The following CACNG2 variants were observed in gnomAD, a reference collection of about 807,000 sequenced individuals.
CACNG2 encodes voltage-dependent calcium channel gamma-2 subunit.
CACNG2 carries 3 observed loss-of-function variants against 25.9 expected under a neutral mutation model. The observed-to-expected ratio is 0.12, with a 90% CI of 0.05 to 0.30. CACNG2 has a LOEUF of 0.30. Ranked by LOEUF, CACNG2 falls within the 10% of genes least tolerant of loss-of-function variation. The pLI, the probability that CACNG2 is intolerant of heterozygous loss-of-function variation, is 1.00. For synonymous variants in CACNG2, 167 were observed against 173.3 expected, an observed-to-expected ratio of 0.96 and a Z score of 0.29; for missense variants, 341 against 432.5, an observed-to-expected ratio of 0.79 and a Z score of 1.88.
intron 1 of CACNG2, among the ~76,000 whole-genome samples, chr22:36,661,966 CTTTTTTTTTTTTTTT>C (rs71193254): frequency 0.23 from 10,102 of 44,836 alleles, 1,501 homozygotes; most frequent in African/African-American, 0.41. Flanking sequence ...CATTGCTATT[CTTTTTTTTTTTTTTT>C]TTTTTTTTTT....
intron 1 of CACNG2, among the ~76,000 whole-genome samples, chr22:36,685,737 G>A (rs971483225): frequency 3.3e-5 from 5 of 152,360 alleles, no homozygotes; most frequent in Non-Finnish European, 5.9e-5. Flanking sequence ...GGGGAGAGCC[G>A]CCTACCCTAG....
chr22:36,687,162 C>A (rs943911177), intron 1 of CACNG2, among the ~76,000 whole-genome samples: 6 of 152,176 alleles, frequency 3.9e-5, no homozygotes, highest in Admixed American at 3.3e-4. Context: ...GAAGGACCCA[C>A]TGTGGGGATG....
intron 1 of CACNG2, among the ~76,000 whole-genome samples, chr22:36,634,308 T>A (rs1349800091): frequency 7.9e-5 from 12 of 152,200 alleles, no homozygotes; most frequent in African/African-American, 2.9e-4. Flanking sequence ...AGCCTACCCA[T>A]TACAGCCTCT....
chr22:36,576,494 C>T (rs1322932418), intron 2 of CACNG2, among the ~76,000 whole-genome samples: 1 of 151,016 alleles, frequency 6.6e-6, no homozygotes, highest in Admixed American at 6.6e-5. Flanking sequence ...ACTCATGTAA[C>T]CAAACACCAC....
chr22:36,645,156 G>A (rs552852649), intron 1 of CACNG2, among the ~76,000 whole-genome samples: 2 of 152,262 alleles, frequency 1.3e-5, no homozygotes, highest in East Asian at 3.9e-4. Context: ...AGTCAGTGTT[G>A]GGGGTTGTTC....
intron 1 of CACNG2, among the ~76,000 whole-genome samples, chr22:36,644,013 G>T (rs919955944): frequency 3.3e-5 from 5 of 152,160 alleles, no homozygotes; most frequent in Middle Eastern, 3.4e-3. Flanking sequence ...CCTCTGTTAT[G>T]GGCAAACTGA....
intron 1 of CACNG2, among the ~76,000 whole-genome samples, chr22:36,596,515 G>A (rs1381570303): frequency 6.6e-6 from 1 of 152,032 alleles, no homozygotes; most frequent in Non-Finnish European, 1.5e-5. Flanking sequence ...GAAGAGCTAG[G>A]GGTCAAGAAG....
At chr22:36,658,769 G>A (rs1474660985) in intron 1 of CACNG2, among the ~76,000 whole-genome samples, 7 of 152,212 alleles carry the variant, frequency 4.6e-5, no homozygotes, top group Non-Finnish European at 8.8e-5. Context: ...TAATCACAGA[G>A]GGCAATAGTG....
chr22:36,666,401 C>G (rs34300680), intron 1 of CACNG2, among the ~76,000 whole-genome samples: 34,292 of 150,820 alleles, frequency 0.23, 4,122 homozygotes, highest in Middle Eastern at 0.32. Context: ...GAGTGAAACC[C>G]AGTCTCAAAA....
At chr22:36,612,809 G>C (rs1475900904) in intron 1 of CACNG2, among the ~76,000 whole-genome samples, 2 of 152,216 alleles carry the variant, frequency 1.3e-5, no homozygotes, top group East Asian at 3.8e-4. Flanking sequence ...ATGAATGAGA[G>C]AACCCAGACC....
At chr22:36,597,795 T>C (rs1282414496) in intron 1 of CACNG2, among the ~76,000 whole-genome samples, 2 of 152,192 alleles carry the variant, frequency 1.3e-5, no homozygotes, top group East Asian at 3.9e-4. Context: ...TCTGTATTTC[T>C]CATGAGCTTG....
Position 36,588,340 on chromosome 22 carries a change from A to T in CACNG2, c.212-792T>A, listed in dbSNP as rs738467. Among the ~76,000 whole-genome samples the T allele has an allele frequency of 2.7e-3, 409 of 152,234 alleles. 1 individual carries two copies. The highest frequency in any genetic ancestry group is 4.1e-3 in the Non-Finnish European group (279 of 68,008). ...CTCGGTGCCTGCTGGGAAGGTGAGA[A>T]CTGGCCTGGGGCAAATCCCAGCACA... is the stretch of plus-strand genomic sequence containing the variant. On this transcript the variant is annotated intron_variant, in intron 1 of 3. Transcript: ENST00000300105.
intron 1 of CACNG2, among the ~76,000 whole-genome samples, chr22:36,680,330 C>A (rs1304763644): frequency 1.3e-5 from 2 of 151,144 alleles, no homozygotes; most frequent in Non-Finnish European, 2.9e-5. Flanking sequence ...ATAATTACCA[C>A]CGCCATCACC....
chr22:36,621,199 C>G (rs58301447), intron 1 of CACNG2, among the ~76,000 whole-genome samples: 1 of 152,122 alleles, frequency 6.6e-6, no homozygotes, highest in Non-Finnish European at 1.5e-5. Flanking sequence ...GTCCATAGGT[C>G]GCTTTTTATT....
intron 1 of CACNG2, among the ~76,000 whole-genome samples, chr22:36,702,018 A>G (rs1000689009): frequency 1.3e-5 from 2 of 152,118 alleles, no homozygotes; most frequent in Non-Finnish European, 2.9e-5. Context: ...TTACCCTCTC[A>G]TAGATGGCAA....
At chr22:36,659,862 G>A (rs1419844738) in intron 1 of CACNG2, among the ~76,000 whole-genome samples, 1 of 151,864 alleles carries the variant, frequency 6.6e-6, no homozygotes, top group Non-Finnish European at 1.5e-5. Flanking sequence ...GGCCCTCACA[G>A]CTCCTCTTGC....
intron 1 of CACNG2, among the ~76,000 whole-genome samples, chr22:36,609,436 TC>T (rs2145939313): frequency 9.8e-6 from 1 of 102,148 alleles, no homozygotes; most frequent in Non-Finnish European, 1.9e-5. Context: ...CAGAGCGTGA[TC>T]CGGCAGGAAT....
intron 1 of CACNG2, among the ~76,000 whole-genome samples, chr22:36,644,981 C>T (rs1421150475): frequency 6.6e-6 from 1 of 152,166 alleles, no homozygotes; most frequent in Non-Finnish European, 1.5e-5. Flanking sequence ...ATGTTACTTT[C>T]ATCCTTCTAT....
Position 36,702,661 on chromosome 22 carries a change from T to A in CACNG2, c.-85A>T, listed in dbSNP as rs1008518226. On this transcript the variant is annotated 5_prime_UTR_variant, in exon 1 of 4. Coordinates refer to ENST00000300105, the MANE Select transcript of CACNG2 (RefSeq NM_006078.5). ...GTGCAAGTACTAAAGCCAAAAAAAA[T>A]AAATAAAAATAAAAATTATTCCACT... 9 of 904,020 alleles carry A rather than the reference T, an allele frequency of 1.0e-5. No individual in the cohort carries two copies. Among genetic ancestry groups the A allele is most frequent in the East Asian group, 5.3e-5 (2 of 38,068 alleles). 56.0% of individuals were successfully genotyped at this position (904,020 alleles called of 1,614,324 possible).
Sources: allele counts gnomAD v4.1 joint callset (sites outside exome capture counted in the v4.1 genomes callset), GRCh38; gene constraint gnomAD v4.1.1; transcripts MANE v1.5; gene names NCBI Gene and HGNC (gene_info 2026-07-23, HGNC 2026-07-21).